Variants in PAK3 observed in about 807,000 individuals in gnomAD.
The protein encoded by PAK3 is p21 (RAC1) activated kinase 3.
Under a neutral mutation model 41.0 loss-of-function variants are expected in PAK3, and 4 were observed. The ratio of observed to expected loss-of-function variants is 0.10; its 90% CI spans 0.05 to 0.22. The LOEUF (loss-of-function observed/expected upper bound fraction) is 0.22, where lower values mean the gene tolerates loss of function less well. Among genes scored for constraint, PAK3 ranks in the 10% least tolerant of loss-of-function variants. The pLI, the probability that PAK3 is intolerant of heterozygous loss-of-function variation, is 1.00. For synonymous variants in PAK3, 146 were observed against 139.6 expected, an observed-to-expected ratio of 1.05 and a Z score of -0.32; for missense variants, 205 against 409.9, an observed-to-expected ratio of 0.50 and a Z score of 4.32.
chrX:111,046,654 T>C (rs759043519), intron 1 of PAK3, among the ~76,000 whole-genome samples: 1 of 111,967 alleles, frequency 8.9e-6, no homozygotes, highest in East Asian at 2.8e-4. Context: ...TCTATATGCC[T>C]TAGTTTCAAC....
At chrX:111,034,916 C>G (rs1401274952) in intron 1 of PAK3, among the ~76,000 whole-genome samples, 1 of 108,462 alleles carries the variant, frequency 9.2e-6, no homozygotes, top group Non-Finnish European at 1.9e-5. Flanking sequence ...GCCTAGGCAG[C>G]TAGAGATGGA....
At chrX:111,048,658 A>G (rs1178464435) in intron 1 of PAK3, among the ~76,000 whole-genome samples, 1 of 111,495 alleles carries the variant, frequency 9.0e-6, no homozygotes, top group Non-Finnish European at 1.9e-5. Flanking sequence ...CTCTTCATCT[A>G]TCTATTAACA....
intron 3 of PAK3, among the ~76,000 whole-genome samples, chrX:111,100,518 C>T (rs774803416): frequency 9.0e-6 from 1 of 111,465 alleles, no homozygotes; most frequent in South Asian, 3.8e-4. Context: ...AGCCAGCCAC[C>T]GTTTCCTGCA....
At chrX:111,217,506 T>C (rs1374900466) in intron 17 of PAK3, 2 of 969,471 alleles carry the variant, frequency 2.1e-6, no homozygotes, top group Non-Finnish European at 2.7e-6. Context: ...TCTAGCCTAC[T>C]CCCTGAAAGA....
Position 111,220,581 on chromosome X carries a change from A to G in PAK3, c.*134A>G, listed in dbSNP as rs972843931. 5.8e-6 allele frequency: 3 copies of G among 514,814 alleles called. No individual in the cohort carries two copies. The highest frequency in any genetic ancestry group is 1.1e-5 in the Non-Finnish European group (3 of 285,366). The allele number at this position is 514,814 out of a possible 1,213,427, so 42.4% of individuals were successfully genotyped here. ...CCTTTCAAATGAATAGAAACTTCTT[A>G]TAAGCCTTTTTCCTACTCCCTCAGA... On this transcript the variant is annotated 3_prime_UTR_variant, in exon 18 of 18. Transcript: ENST00000372007.
intron 11 of PAK3, among the ~76,000 whole-genome samples, chrX:111,187,676 G>A (rs1227877061): frequency 9.0e-6 from 1 of 111,284 alleles, no homozygotes. Context: ...ATATGTAAAA[G>A]CATCAGAACT....
intron 8 of PAK3, among the ~76,000 whole-genome samples, chrX:111,154,791 T>C (rs1400292691): frequency 9.0e-6 from 1 of 111,401 alleles, no homozygotes; most frequent in African/African-American, 3.3e-5. Context: ...CAGCCTTCCA[T>C]GATCAACACA....
chrX:111,102,216 G>A (rs1312064567), intron 3 of PAK3, among the ~76,000 whole-genome samples: 1 of 111,618 alleles, frequency 9.0e-6, no homozygotes, highest in Non-Finnish European at 1.9e-5. Context: ...TCAAATGATT[G>A]TGGGAAAAGG....
chrX:111,114,416 A>G (rs2093427545), intron 4 of PAK3, among the ~76,000 whole-genome samples: 1 of 112,084 alleles, frequency 8.9e-6, no homozygotes, highest in African/African-American at 3.2e-5. Flanking sequence ...ATATATTCTC[A>G]GTTACTATCT....
intron 5 of PAK3, among the ~76,000 whole-genome samples, chrX:111,125,024 A>T (rs958693942): frequency 1.8e-5 from 2 of 111,994 alleles, no homozygotes; most frequent in African/African-American, 6.5e-5. Context: ...TCAGTGTTTG[A>T]TCTGGCCATT....
At chrX:111,172,862 C>T in intron 10 of PAK3, among the ~76,000 whole-genome samples, 156 bp from the exon 11 acceptor site, 1 of 109,657 alleles carries the variant, frequency 9.1e-6, no homozygotes, top group Non-Finnish European at 1.9e-5. Flanking sequence ...TATAGAAATC[C>T]CATGGGAGTA....
At chrX:111,099,421 C>T (rs1417848961) in intron 3 of PAK3, among the ~76,000 whole-genome samples, 1 of 110,801 alleles carries the variant, frequency 9.0e-6, no homozygotes, top group Non-Finnish European at 1.9e-5. Context: ...GGGTCTAAGT[C>T]TGGGAAACAT....
chrX:111,178,207 T>A lies in PAK3; in HGVS notation c.830+5126T>A, dbSNP rs1189170034. Among the ~76,000 whole-genome samples the A allele has an allele frequency of 2.7e-5, 3 of 111,276 alleles. No homozygotes were observed. The Admixed American group carries it at 2.9e-4, about 11-fold the overall frequency. On this transcript the variant is annotated intron_variant, in intron 11 of 17. Coordinates refer to ENST00000372007, the MANE Select transcript of PAK3 (RefSeq NM_002578.5). The stretch of plus-strand genomic sequence containing the variant: ...ATTCATACACTCATCTTCACTGTCA[T>A]CTCTCATATGAATCACTCTTTGGCT...
upstream of PAK3, among the ~76,000 whole-genome samples, chrX:111,095,977 A>T (rs770405220): frequency 9.0e-6 from 1 of 110,550 alleles, no homozygotes; most frequent in African/African-American, 3.3e-5. Flanking sequence ...AGAAGTTTCC[A>T]TCTCCTTTCC....
At chrX:111,038,154 G>T (rs1234356378) in intron 1 of PAK3, among the ~76,000 whole-genome samples, 1 of 112,118 alleles carries the variant, frequency 8.9e-6, no homozygotes, top group African/African-American at 3.2e-5. Flanking sequence ...GAATAAATAA[G>T]CACTCATTTA....
At chrX:111,166,448 C>T (rs1017107304) in intron 10 of PAK3, among the ~76,000 whole-genome samples, 10 of 110,991 alleles carry the variant, frequency 9.0e-5, no homozygotes, top group Admixed American at 2.9e-4. Context: ...TTTAGGTGTG[C>T]GCCACCATGC....
intron 1 of PAK3, among the ~76,000 whole-genome samples, chrX:110,945,075 A>C (rs959227659): frequency 8.9e-6 from 1 of 112,102 alleles, no homozygotes; most frequent in Non-Finnish European, 1.9e-5. Flanking sequence ...TCCGCCGGCA[A>C]TGTGGGGTGT....
Position 111,019,722 on chromosome X carries a change from A to AG in PAK3, c.-28+75104dup, listed in dbSNP as rs55957364. Among the ~76,000 whole-genome samples, 224 of 84,156 alleles carry AG rather than the reference A, an allele frequency of 2.7e-3. 1 individual carries two copies. The highest frequency in any genetic ancestry group is 9.5e-3 in the African/African-American group (215 of 22,699). The allele number at this position is 84,156 out of a possible 115,157, so 73.1% of individuals were successfully genotyped here. The stretch of plus-strand genomic sequence containing the variant: ...AAAAAAAGAAAGAAAGAAAAGAAAA[A>AG]GGGGGGGGGGCAAATGATTTGAATA... On this transcript the variant is annotated intron_variant, in intron 1 of 14. Coordinates refer to the PAK3 transcript ENST00000425146.
intron 1 of PAK3, among the ~76,000 whole-genome samples, chrX:111,017,921 G>A (rs939985439): frequency 9.0e-6 from 1 of 111,144 alleles, no homozygotes; most frequent in Non-Finnish European, 1.9e-5. Context: ...ATGCATTGAT[G>A]GGTCAACATT....
Sources: allele counts gnomAD v4.1 joint callset (sites outside exome capture counted in the v4.1 genomes callset), GRCh38; gene constraint gnomAD v4.1.1; transcripts MANE v1.5; gene names NCBI Gene and HGNC (gene_info 2026-07-23, HGNC 2026-07-21).